The following LHCGR variants were observed in gnomAD, a reference collection of about 807,000 sequenced individuals.
LHCGR encodes lutropin-choriogonadotropic hormone receptor.
LHCGR carries 55 observed loss-of-function variants against 60.7 expected under a neutral mutation model. The ratio of observed to expected loss-of-function variants is 0.91; its 90% confidence interval spans 0.73 to 1.13. LHCGR has a LOEUF of 1.13. Ranked by LOEUF, LHCGR falls within the 50% of genes most tolerant of loss-of-function variation. The probability of loss-of-function intolerance (pLI) is 0.00; values close to 1 mark genes in which losing one functional copy is unlikely to be tolerated. For missense variants in LHCGR, 862 were observed against 836.0 expected (o/e 1.03, Z -0.38); for synonymous variants, 337 against 316.5 (o/e 1.06, Z -0.69).
chr2:48,739,002 C>A (rs551936151), intron 1 of LHCGR, among the ~76,000 whole-genome samples: 2 of 152,334 alleles, frequency 1.3e-5, no homozygotes, highest in South Asian at 2.1e-4. Flanking sequence ...CTCACACTTT[C>A]CTGATGTCAT....
chr2:48,736,997 C>T (rs1669229367), intron 1 of LHCGR, among the ~76,000 whole-genome samples: 1 of 152,114 alleles, frequency 6.6e-6, no homozygotes, highest in Admixed American at 6.5e-5. Context: ...AGATGTTTCC[C>T]AGGGCAGGGA....
chr2:48,709,064 TG>T, intron 7 of LHCGR, 42 bp from the exon 8 acceptor site: 2 of 1,486,394 alleles, frequency 1.3e-6, no homozygotes, highest in East Asian at 4.5e-5. Context: ...TTGTACCTCA[TG>T]TGTAAGCATT....
At chr2:48,698,472 C>T in intron 9 of LHCGR, 143 bp downstream of exon 9, 1 of 690,566 alleles carries the variant, frequency 1.4e-6, no homozygotes, top group Non-Finnish European at 2.6e-6. Context: ...TTCTTCTTGT[C>T]TATTTGAAAG....
At chr2:48,731,163 T>G (rs1220241896) in intron 2 of LHCGR, 64 bp downstream of exon 2, 3 of 1,148,826 alleles carry the variant, frequency 2.6e-6, no homozygotes, top group Non-Finnish European at 3.9e-6. Context: ...CAAATGTGTT[T>G]TCTCTTAGAA....
In LHCGR at chr2:48,688,844, G is replaced by A. The variant is rs764699395; in HGVS notation, c.953C>T (p.Ser318Phe). ...CAGTTCACTCTCAGCAAGCATGGAA[G>A]AATAACTGTAAGAAGAATTATTGGC... ...VRKVNNKTLY[S>F]SMLAESELSG... Residue 318 changes from serine (S) to phenylalanine (F), a missense_variant, in exon 11 of 11, where the codon TCT (serine) becomes TTT (phenylalanine). Physicochemically the swap from Ser to Phe is radical, Grantham distance 155. Transcript: ENST00000294954. This position sits in a 1 kb window ranked among gnomAD's most constrained non-coding sequence, Gnocchi z 5.2. 4 of 1,613,892 alleles carry A rather than the reference G, an allele frequency of 2.5e-6. No homozygotes were observed. Among genetic ancestry groups the A allele is most frequent in the South Asian group, 2.2e-5 (2 of 91,050 alleles).
intron 1 of LHCGR, among the ~76,000 whole-genome samples, chr2:48,735,016 T>A (rs183610856): frequency 1.3e-5 from 2 of 152,360 alleles, no homozygotes; most frequent in East Asian, 3.9e-4. Flanking sequence ...CACAGTCTTT[T>A]TTGCAGTTTT....
chr2:48,713,511 G>A (rs115302995), intron 7 of LHCGR, among the ~76,000 whole-genome samples: 2,790 of 152,272 alleles, frequency 0.018, 114 homozygotes, highest in African/African-American at 0.064. Flanking sequence ...AAAACACAAA[G>A]CTCCCTACCT....
chr2:48,705,347 T>C (rs1229286674), intron 8 of LHCGR, among the ~76,000 whole-genome samples: 3 of 152,248 alleles, frequency 2.0e-5, no homozygotes, highest in Admixed American at 1.3e-4. Flanking sequence ...GATATGGTGC[T>C]GAGAAGAATG....
chr2:48,714,722 A>C (rs1252870039), intron 6 of LHCGR, among the ~76,000 whole-genome samples: 1 of 151,502 alleles, frequency 6.6e-6, no homozygotes, highest in Admixed American at 6.6e-5. Context: ...ACCATTTTTT[A>C]TGGTATATAC....
At chr2:48,723,785 G>A in intron 4 of LHCGR, 89 bp from the exon 5 acceptor site, 1 of 983,014 alleles carries the variant, frequency 1.0e-6, no homozygotes, top group South Asian at 1.3e-5. Context: ...GAGTACAAAG[G>A]CATTTTGCAA....
intron 7 of LHCGR, among the ~76,000 whole-genome samples, chr2:48,712,912 C>G (rs1201028447): frequency 1.3e-5 from 2 of 152,070 alleles, no homozygotes; most frequent in Non-Finnish European, 2.9e-5. Context: ...CTTTTAGCCA[C>G]CAAACGATAT....
intron 1 of LHCGR, among the ~76,000 whole-genome samples, chr2:48,753,805 AGTGTGT>A (rs70946826): frequency 5.3e-5 from 8 of 149,812 alleles, no homozygotes; most frequent in African/African-American, 7.3e-5. Flanking sequence ...GGAGAAACTG[AGTGTGT>A]GTGTGTGTGT....
intron 9 of LHCGR, 65 bp downstream of exon 9, chr2:48,698,550 G>T: frequency 7.4e-7 from 1 of 1,348,688 alleles, no homozygotes. Flanking sequence ...TCTACTCATT[G>T]ACTATTTTGA....
Position 48,708,929 on chromosome 2 carries a change from G to A in LHCGR, c.680+19C>T. ...GGGGTACACTGGGCAGGGAGGGGAG[G>A]CAGCACCATTCTACTCACAAGGTTT... On this transcript the variant is annotated intron_variant, in intron 8 of 10. Coordinates refer to ENST00000294954, the MANE Select transcript of LHCGR (RefSeq NM_000233.4). 6.2e-7 allele frequency: 1 copy of A among 1,605,212 alleles called. No homozygotes were observed. The highest frequency in any genetic ancestry group is 1.1e-5 in the South Asian group (1 of 90,922).
chr2:48,751,572 G>C (rs541350911), intron 1 of LHCGR, among the ~76,000 whole-genome samples: 1 of 152,248 alleles, frequency 6.6e-6, no homozygotes, highest in East Asian at 1.9e-4. Flanking sequence ...GTCTCTTGGG[G>C]GTGTGTTTCC....
rs1668979520 is a variant in LHCGR, at chr2:48,731,378, T to C, written c.162-80A>G. 8 of 915,990 alleles carry C rather than the reference T, an allele frequency of 8.7e-6. No individual in the cohort carries two copies. The South Asian group carries it at 9.2e-5, about 11-fold the overall frequency. The allele number at this position is 915,990 out of a possible 1,614,324, so 56.7% of individuals were successfully genotyped here. On this transcript the variant is annotated intron_variant, in intron 1 of 10. Transcript: ENST00000294954. ...TAAGTTCATGAATAAAATGGGTATG[T>C]GTATGTGTGTGAGAGACAGAGACTT...
chr2:48,700,346 T>C (rs1322196352), intron 8 of LHCGR, among the ~76,000 whole-genome samples: 3 of 152,098 alleles, frequency 2.0e-5, no homozygotes, highest in African/African-American at 7.2e-5. Flanking sequence ...GGAGAAATGC[T>C]TTTTGAGTAA....
intron 6 of LHCGR, among the ~76,000 whole-genome samples, chr2:48,722,069 G>A (rs910713011): frequency 6.6e-6 from 1 of 152,232 alleles, no homozygotes; most frequent in Non-Finnish European, 1.5e-5. Flanking sequence ...AGAATCACTT[G>A]AACCCAGGAG....
In LHCGR at chr2:48,723,650, C is replaced by A. The variant is rs121912539; in HGVS notation, c.430G>T (p.Val144Phe). 4.3e-6 allele frequency: 7 copies of A among 1,613,884 alleles called. No homozygotes were observed. Among genetic ancestry groups the A allele is most frequent in the South Asian group, 2.2e-5 (2 of 91,066 alleles). Residue 144 changes from valine (V) to phenylalanine (F), a missense_variant, in exon 5 of 11, where the codon GTC becomes TTC. Coordinates refer to ENST00000294954, the MANE Select transcript of LHCGR (RefSeq NM_000233.4). ...GIRKFPDVTKVFSSESNFILE... is the reference protein window; with the variant it reads ...GIRKFPDVTKFFSSESNFILE... ...ATGAAATTTGATTCAGAGGAGAAGA[C>A]CTTCGTAACATCTGGAAACTTTCTG...
Sources: allele counts gnomAD v4.1 joint callset (sites outside exome capture counted in the v4.1 genomes callset), GRCh38; gene constraint gnomAD v4.1.1; non-coding constraint Gnocchi (gnomAD v3.1); transcripts MANE v1.5; gene names NCBI Gene and HGNC (gene_info 2026-07-23, HGNC 2026-07-21).